The following ADGRE1 variants were observed in gnomAD, a reference collection of about 807,000 sequenced individuals.
ADGRE1 encodes EGF-like module receptor 1.
In ADGRE1, 82 loss-of-function variants were observed where a neutral mutation model predicts 102.7. That is an observed-to-expected ratio of 0.80 (90% CI 0.67 to 0.96). ADGRE1 has a LOEUF of 0.96. Among genes scored for constraint, ADGRE1 ranks in the 40% least tolerant of loss-of-function variants. The pLI, the probability that ADGRE1 is intolerant of heterozygous loss-of-function variation, is 0.00. For synonymous variants in ADGRE1, 398 were observed against 399.6 expected (o/e 1.00, Z 0.05); for missense variants, 1,032 against 1,085.3 (o/e 0.95, Z 0.69).
rs781013340 is a variant in ADGRE1 at position 6,924,717 on chromosome 19, A to G, written c.1831A>G (p.Ile611Val). The G allele has an allele frequency of 2.3e-5, 37 of 1,613,994 alleles. No individual in the cohort carries two copies. Among genetic ancestry groups the G allele is most frequent in the Middle Eastern group, 3.3e-4 (2 of 6,084 alleles). Residue 611 changes from isoleucine (I) to valine (V), a missense_variant, in exon 15 of 21, where the codon ATC becomes GTC. Transcript: ENST00000312053. ...GTACATCATTAGCCATGTAGGCATT[A>G]TCATCTCCTTGGTGTGCCTCGTCTT... ...SLYIISHVGI[I>V]ISLVCLVLAI...
rs755865991 is a variant in ADGRE1, at chr19:6,924,724, C to T, written c.1838C>T (p.Ser613Phe). The T allele has an allele frequency of 6.2e-7, 1 of 1,614,204 alleles. No individual in the cohort carries two copies. The highest frequency in any genetic ancestry group is 1.7e-5 in the Admixed American group (1 of 60,018). The change falls in exon 15 of 21, where the codon TCC becomes TTC. Residue 613 changes from serine to phenylalanine, a missense_variant. Transcript: ENST00000312053. ...ATTAGCCATGTAGGCATTATCATCT[C>T]CTTGGTGTGCCTCGTCTTGGCCATC... Reference protein sequence around the residue: ...YIISHVGIIISLVCLVLAIAT... With the variant: ...YIISHVGIIIFLVCLVLAIAT...
intron 13 of ADGRE1, among the ~76,000 whole-genome samples, chr19:6,920,510 T>C (rs1244136405): frequency 1.6e-5 from 2 of 123,740 alleles, no homozygotes; most frequent in Non-Finnish European, 3.3e-5. Flanking sequence ...TGAACCACCA[T>C]GCCCGCTTTT....
intron 2 of ADGRE1, chr19:6,895,679 G>A (rs2144889291): frequency 6.6e-6 from 1 of 152,302 alleles, no homozygotes; most frequent in South Asian, 2.1e-4. Context: ...ACTTTGGGTA[G>A]CAAGGATCCA....
rs770487044 is a variant in ADGRE1, at chr19:6,908,780, T to C, written c.1122+8T>C. The C allele has an allele frequency of 1.8e-5, 29 of 1,602,112 alleles. No individual in the cohort carries two copies. In the South Asian group the frequency reaches 2.7e-4, roughly 15 times the overall value. On this transcript the variant is annotated splice_region_variant and intron_variant, in intron 10 of 20. Transcript: ENST00000312053. ...ACCGTAGTTTCTCTGAAGGTAACGATTGGGTCTTTTAAATTGTGTTTTGAG... is the reference window on the plus strand; with the variant it reads ...ACCGTAGTTTCTCTGAAGGTAACGACTGGGTCTTTTAAATTGTGTTTTGAG...
At position 6,940,134 on chromosome 19, in the gene ADGRE1, G is replaced by T; in HGVS notation, c.*105G>T. 7.5e-7 allele frequency: 1 copy of T among 1,334,840 alleles called. No homozygotes were observed. The highest frequency in any genetic ancestry group is 1.2e-5 in the South Asian group (1 of 81,906). 82.7% of individuals were successfully genotyped at this position (1,334,840 alleles called of 1,614,324 possible). ...CTTCTCAGCTTAACATGGAAATGAG[G>T]ATCCCACCAGCCCCAGAACCCTCTG... On this transcript the variant is annotated 3_prime_UTR_variant, in exon 21 of 21. Coordinates refer to ENST00000312053, the MANE Select transcript of ADGRE1 (RefSeq NM_001974.5).
chr19:6,938,847 G>A (rs897373429), intron 20 of ADGRE1, among the ~76,000 whole-genome samples: 1 of 150,066 alleles, frequency 6.7e-6, no homozygotes, highest in African/African-American at 2.5e-5. Flanking sequence ...CCAGGCTGGA[G>A]TGCAGTGGTG....
chr19:6,890,423 T>G (rs2099369541), intron 1 of ADGRE1, 58 bp from the exon 2 acceptor site: 49 of 473,890 alleles, frequency 1.0e-4, no homozygotes, highest in Middle Eastern at 4.9e-4. Context: ...CCCAAAAGGT[T>G]TTTTTTTTTT....
chr19:6,897,089 T>G (rs1599715194), intron 3 of ADGRE1, 60 bp from the exon 4 acceptor site: 3 of 1,259,572 alleles, frequency 2.4e-6, no homozygotes, highest in Non-Finnish European at 3.2e-6. Flanking sequence ...TTTTTTTTTT[T>G]TGCAAAATAC....
At chr19:6,922,622 AC>A (rs1974719160) in intron 14 of ADGRE1, among the ~76,000 whole-genome samples, 4 of 136,014 alleles carry the variant, frequency 2.9e-5, no homozygotes, top group African/African-American at 1.3e-4. Context: ...TCACACACAC[AC>A]ACACACACAC....
chr19:6,908,846 C>T (rs1974068986), intron 10 of ADGRE1, 74 bp downstream of exon 10: 1 of 1,418,174 alleles, frequency 7.1e-7, no homozygotes, highest in East Asian at 2.3e-5. Context: ...AGAAAGATGT[C>T]TTTATGGCTG....
At chr19:6,908,825 ACTTT>A in intron 10 of ADGRE1, 53 bp downstream of exon 10, 1 of 1,538,830 alleles carries the variant, frequency 6.5e-7, no homozygotes, top group Non-Finnish European at 8.9e-7. Context: ...TCTTGGGCAC[ACTTT>A]GGGTGCAGAA....
intron 8 of ADGRE1, among the ~76,000 whole-genome samples, chr19:6,905,745 T>G (rs1973928687): frequency 6.6e-6 from 1 of 152,186 alleles, no homozygotes; most frequent in Non-Finnish European, 1.5e-5. Context: ...AATTATGTAT[T>G]ATTTATTACA....
chr19:6,934,899 G>A (rs546156825), intron 17 of ADGRE1, 88 bp from the exon 18 acceptor site: 22 of 855,286 alleles, frequency 2.6e-5, no homozygotes, highest in Non-Finnish European at 3.2e-5. Context: ...GAGCCACCAC[G>A]CCCAGCCCAG....
intron 17 of ADGRE1, among the ~76,000 whole-genome samples, chr19:6,932,344 T>C (rs1008412016): frequency 3.3e-5 from 5 of 152,036 alleles, no homozygotes; most frequent in African/African-American, 1.2e-4. Flanking sequence ...GGTGCACGCC[T>C]GTAGTCCCAG....
intron 1 of ADGRE1, among the ~76,000 whole-genome samples, chr19:6,889,640 G>C (rs934457130): frequency 1.6e-5 from 2 of 122,730 alleles, no homozygotes; most frequent in African/African-American, 3.2e-5. Context: ...AGTGAGCCTA[G>C]ATCACGCTAC....
chr19:6,907,358 A>G (rs1345482187), intron 9 of ADGRE1, among the ~76,000 whole-genome samples: 3 of 128,436 alleles, frequency 2.3e-5, no homozygotes, highest in African/African-American at 3.4e-5. Context: ...TTTTTTTTTG[A>G]GATGGAGTCT....
chr19:6,897,012 T>C, intron 3 of ADGRE1, 137 bp from the exon 4 acceptor site: 1 of 869,898 alleles, frequency 1.1e-6, no homozygotes, highest in Admixed American at 2.9e-5. Context: ...ATACCTTCCA[T>C]TGCTTGACAG....
At chr19:6,899,944 A>T (rs1179460450) in intron 5 of ADGRE1, among the ~76,000 whole-genome samples, 2 of 151,468 alleles carry the variant, frequency 1.3e-5, no homozygotes, top group Non-Finnish European at 2.9e-5. Flanking sequence ...TACAAAAAAA[A>T]ATAGCTGGGC....
At chr19:6,893,232 T>A (rs565843800) in intron 2 of ADGRE1, among the ~76,000 whole-genome samples, 1 of 152,158 alleles carries the variant, frequency 6.6e-6, no homozygotes, top group Non-Finnish European at 1.5e-5. Context: ...AGTTTTGCTC[T>A]TGTTGCCCAG....
Sources: allele counts gnomAD v4.1 joint callset (sites outside exome capture counted in the v4.1 genomes callset), GRCh38; gene constraint gnomAD v4.1.1; transcripts MANE v1.5; gene names NCBI Gene and HGNC (gene_info 2026-07-23, HGNC 2026-07-21).